Variants in HS2ST1 observed in about 807,000 individuals in gnomAD.
HS2ST1 encodes the protein 2-O-sulfotransferase.
A neutral mutation model predicts 42.9 loss-of-function variants in HS2ST1; 18 were observed. That is an observed-to-expected ratio of 0.42 (90% CI 0.29 to 0.62). The LOEUF is 0.62. HS2ST1 is among the 20% of genes least tolerant of loss of function. The pLI is 0.21. For synonymous variants in HS2ST1, 146 were observed against 152.9 expected, an observed-to-expected ratio of 0.95 and a Z score of 0.33; for missense variants, 334 against 433.8, an observed-to-expected ratio of 0.77 and a Z score of 2.04.
chr1:86,975,587 A>G (rs952123258), intron 1 of HS2ST1, among the ~76,000 whole-genome samples: 24 of 152,328 alleles, frequency 1.6e-4, no homozygotes, highest in African/African-American at 5.5e-4. Flanking sequence ...TAGTTAGTGT[A>G]GTTAATAAAA....
At chr1:87,086,800 T>C (rs996896775) in intron 3 of HS2ST1, among the ~76,000 whole-genome samples, 2 of 151,602 alleles carry the variant, frequency 1.3e-5, no homozygotes, top group African/African-American at 4.8e-5. Flanking sequence ...TCTTATTCTT[T>C]GATTTTTTTA....
intron 1 of HS2ST1, among the ~76,000 whole-genome samples, chr1:86,924,160 A>C (rs551187229): frequency 7.2e-5 from 11 of 152,224 alleles, no homozygotes; most frequent in African/African-American, 2.7e-4. Flanking sequence ...GTGAAATCTT[A>C]AACCTTCAAA....
At chr1:87,016,297 A>C (rs1007276763) in intron 1 of HS2ST1, among the ~76,000 whole-genome samples, 1 of 152,212 alleles carries the variant, frequency 6.6e-6, no homozygotes, top group African/African-American at 2.4e-5. Flanking sequence ...TATCATCAGG[A>C]TATTTAACCT....
intron 1 of HS2ST1, among the ~76,000 whole-genome samples, chr1:87,071,337 G>A (rs1362928153): frequency 6.6e-6 from 1 of 152,166 alleles, no homozygotes. Context: ...TTATTAAGTT[G>A]TCAGCATCAT....
chr1:86,988,391 C>T (rs1014720717), intron 1 of HS2ST1, among the ~76,000 whole-genome samples: 4 of 152,212 alleles, frequency 2.6e-5, no homozygotes, highest in Admixed American at 6.5e-5. Context: ...GCTTTGCTTA[C>T]CTCCAACCTG....
chr1:87,075,161 CTTTTTTTTTT>C (rs34812948), intron 2 of HS2ST1, among the ~76,000 whole-genome samples: 1 of 48,596 alleles, frequency 2.1e-5, no homozygotes, highest in Non-Finnish European at 3.6e-5. Context: ...TCTCAGCTAC[CTTTTTTTTTT>C]TTTTTTTTTT....
At chr1:87,021,417 C>A (rs539899481) in intron 1 of HS2ST1, among the ~76,000 whole-genome samples, 17 of 152,220 alleles carry the variant, frequency 1.1e-4, no homozygotes, top group African/African-American at 4.1e-4. Flanking sequence ...CCTTTTAAAC[C>A]AGCTACTCAG....
intron 1 of HS2ST1, among the ~76,000 whole-genome samples, chr1:86,964,992 A>C (rs1648002004): frequency 6.6e-6 from 1 of 152,160 alleles, no homozygotes; most frequent in African/African-American, 2.4e-5. Context: ...AACATTATAC[A>C]TTTGTAGTAT....
chr1:86,995,104 T>G (rs907065980), intron 1 of HS2ST1, among the ~76,000 whole-genome samples: 2 of 152,158 alleles, frequency 1.3e-5, no homozygotes, highest in African/African-American at 4.8e-5. Flanking sequence ...CATTGCTCTT[T>G]GAGATGAAAG....
chr1:87,086,123 A>G (rs1651810331), intron 3 of HS2ST1, among the ~76,000 whole-genome samples: 1 of 152,178 alleles, frequency 6.6e-6, no homozygotes, highest in South Asian at 2.1e-4. Context: ...CTTAATAGCC[A>G]TATGCTCCAT....
At chr1:86,983,809 G>A (rs1045538375) in intron 1 of HS2ST1, among the ~76,000 whole-genome samples, 1 of 152,018 alleles carries the variant, frequency 6.6e-6, no homozygotes, top group African/African-American at 2.4e-5. Flanking sequence ...TTGGGAGGCC[G>A]AGGCGGGTGG....
intron 1 of HS2ST1, among the ~76,000 whole-genome samples, chr1:87,066,860 T>C (rs891343780): frequency 6.6e-6 from 1 of 152,164 alleles, no homozygotes; most frequent in Non-Finnish European, 1.5e-5. Context: ...CTGAGAATGA[T>C]GGTTTTCAGC....
At chr1:86,960,443 C>T (rs977683874) in intron 1 of HS2ST1, among the ~76,000 whole-genome samples, 13 of 151,970 alleles carry the variant, frequency 8.6e-5, no homozygotes, top group East Asian at 7.7e-4. Flanking sequence ...AGTTGGACTT[C>T]GTTAAAATAA....
chr1:86,985,383 T>TATATATATATATACACACACACACAC (rs1413099470), intron 1 of HS2ST1, among the ~76,000 whole-genome samples: 10 of 44,750 alleles, frequency 2.2e-4, no homozygotes, highest in African/African-American at 4.6e-4. Context: ...TATATATATA[T>TATATATATATATACACACACACACAC]ACACACACAC....
chr1:86,968,604 T>C (rs538230940), intron 1 of HS2ST1, among the ~76,000 whole-genome samples: 62 of 152,126 alleles, frequency 4.1e-4, no homozygotes, highest in Non-Finnish European at 6.5e-4. Context: ...GAGGTCTCAC[T>C]ATATTGCCCA....
At chr1:86,995,512 G>A (rs1003138384) in intron 1 of HS2ST1, among the ~76,000 whole-genome samples, 4 of 152,142 alleles carry the variant, frequency 2.6e-5, no homozygotes, top group African/African-American at 9.7e-5. Flanking sequence ...ATTAGATGTC[G>A]ACACTTGGGA....
intron 1 of HS2ST1, among the ~76,000 whole-genome samples, chr1:86,985,467 CATATAT>C (rs1158371998): frequency 4.0e-4 from 28 of 70,122 alleles, no homozygotes; most frequent in African/African-American, 1.1e-3. Flanking sequence ...CATATATACA[CATATAT>C]ACACATATAT....
chr1:87,001,981 C>T lies in HS2ST1; in HGVS notation c.125-70953C>T, dbSNP rs190565133. On this transcript the variant is annotated intron_variant, in intron 1 of 6. Transcript: ENST00000370550. ...AGGCTGTAGTGCAGTGGCGCGATCT[C>T]GGCTCACTGCAAGATCCGCCTCCAG... Among the ~76,000 whole-genome samples, 700 of 142,544 alleles carry T rather than the reference C, an allele frequency of 4.9e-3. 4 individuals are homozygous for T. The highest frequency in any genetic ancestry group is 0.023 in the Middle Eastern group (6 of 266). 93.5% of individuals were successfully genotyped at this position (142,544 alleles called of 152,430 possible).
At position 87,081,026 on chromosome 1, in the gene HS2ST1, C is replaced by T. The variant is rs372508978; in HGVS notation, c.364-3168C>T. ...AGAGAATATAAAATTTTTAAACATA[C>T]GTCTGTCCAACACTGGAGCATCCAG... On this transcript the variant is annotated intron_variant, in intron 2 of 6. Coordinates refer to ENST00000370550, the MANE Select transcript of HS2ST1 (RefSeq NM_012262.4). 1.7e-4 allele frequency among the ~76,000 whole-genome samples: 26 copies of T among 152,192 alleles called. No individual in the cohort carries two copies. The East Asian group carries it at 2.3e-3, about 14-fold the overall frequency.
Sources: allele counts gnomAD v4.1 joint callset (sites outside exome capture counted in the v4.1 genomes callset), GRCh38; gene constraint gnomAD v4.1.1; transcripts MANE v1.5; gene names NCBI Gene and HGNC (gene_info 2026-07-23, HGNC 2026-07-21).